Variants in CMTM7 observed in about 807,000 individuals in gnomAD.
CMTM7 encodes the protein CKLF like MARVEL transmembrane domain containing 7.
In CMTM7, 7 loss-of-function variants were observed where a neutral mutation model predicts 19.3. The ratio of observed to expected loss-of-function variants is 0.36; its 90% confidence interval spans 0.21 to 0.68. The LOEUF (loss-of-function observed/expected upper bound fraction) is 0.68. CMTM7 is among the 30% of genes least tolerant of loss of function. The probability of loss-of-function intolerance (pLI) is 0.60; values close to 1 mark genes in which losing one functional copy is unlikely to be tolerated. For missense variants in CMTM7, 193 were observed against 232.6 expected (o/e 0.83, Z 1.11); for synonymous variants, 87 against 99.3 (o/e 0.88, Z 0.74).
In CMTM7 at chr3:32,397,595, G is replaced by A. The variant is rs939227028; in HGVS notation, c.159+5530G>A. On this transcript the variant is annotated intron_variant, in intron 1 of 4. Transcript: ENST00000334983. ...TAAAAATACAAAATATTAGCCAGGCGTGGTGGCACACGCCTGTAGTCCCAG... is the reference window on the plus strand; with the variant it reads ...TAAAAATACAAAATATTAGCCAGGCATGGTGGCACACGCCTGTAGTCCCAG... Among the ~76,000 whole-genome samples, 22 of 152,118 alleles carry A rather than the reference G, an allele frequency of 1.4e-4. No individual in the cohort carries two copies. In the East Asian group the frequency reaches 2.3e-3, roughly 16 times the overall value.
chr3:32,443,586 G>A (rs1232254202), intron 2 of CMTM7, among the ~76,000 whole-genome samples: 2 of 152,156 alleles, frequency 1.3e-5, no homozygotes, highest in Non-Finnish European at 2.9e-5. Flanking sequence ...ATGTATCTAG[G>A]AGGGGAATTA....
chr3:32,447,156 A>T (rs1210717753), intron 2 of CMTM7, among the ~76,000 whole-genome samples: 2 of 151,730 alleles, frequency 1.3e-5, no homozygotes, highest in African/African-American at 4.9e-5. Context: ...GATTTCTCTT[A>T]TGATTTTTTT....
At chr3:32,428,548 G>C (rs1471233406) in intron 1 of CMTM7, among the ~76,000 whole-genome samples, 2 of 152,226 alleles carry the variant, frequency 1.3e-5, no homozygotes, top group East Asian at 3.8e-4. Flanking sequence ...CTGAGGTGTT[G>C]TGGGGCGGCT....
intron 1 of CMTM7, among the ~76,000 whole-genome samples, chr3:32,411,135 C>G (rs75165233): frequency 0.039 from 6,004 of 152,208 alleles, 216 homozygotes; most frequent in African/African-American, 0.093. Context: ...GAGGCAGAGC[C>G]GGCTTCCCTG....
chr3:32,425,720 A>T (rs1310998213), intron 1 of CMTM7, among the ~76,000 whole-genome samples: 1 of 152,220 alleles, frequency 6.6e-6, no homozygotes, highest in African/African-American at 2.4e-5. Flanking sequence ...TTAAGGAAAC[A>T]CATTGAGTTC....
At chr3:32,415,508 G>A (rs1696247341) in intron 1 of CMTM7, among the ~76,000 whole-genome samples, 1 of 152,206 alleles carries the variant, frequency 6.6e-6, no homozygotes, top group Non-Finnish European at 1.5e-5. Flanking sequence ...ATAAGGGAGG[G>A]AAACTGAGGC....
At chr3:32,450,927 G>A (rs1321720135) in intron 3 of CMTM7, 2 of 152,340 alleles carry the variant, frequency 1.3e-5, no homozygotes, top group Non-Finnish European at 2.9e-5. Context: ...TATGGTCCCT[G>A]CTTATAAGAA....
intron 1 of CMTM7, among the ~76,000 whole-genome samples, chr3:32,411,428 C>A (rs1278559287): frequency 6.6e-6 from 1 of 152,178 alleles, no homozygotes; most frequent in African/African-American, 2.4e-5. Flanking sequence ...GAGCCTTCCT[C>A]TTCTAAATCT....
intron 1 of CMTM7, among the ~76,000 whole-genome samples, chr3:32,402,853 A>G (rs539532456): frequency 2.6e-5 from 4 of 152,278 alleles, no homozygotes; most frequent in East Asian, 1.9e-4. Context: ...GTGAGCCACT[A>G]TGGCCGGCCA....
In CMTM7 at chr3:32,427,443, A is replaced by T. The variant is rs1696449979; in HGVS notation, c.160-14397A>T. On this transcript the variant is annotated intron_variant, in intron 1 of 4. Coordinates refer to ENST00000334983, the MANE Select transcript of CMTM7 (RefSeq NM_138410.4). ...ATGCTAGAGAAAGGGTGGGCGGGAG[A>T]GGTGCCCTCGGTATGGGGACCAGGA... Among the ~76,000 whole-genome samples the T allele has an allele frequency of 5.3e-5, 8 of 150,948 alleles. No individual in the cohort carries two copies. The South Asian group carries it at 1.7e-3, about 32-fold the overall frequency.
At chr3:32,447,304 G>A (rs1199774492) in intron 2 of CMTM7, among the ~76,000 whole-genome samples, 1 of 152,106 alleles carries the variant, frequency 6.6e-6, no homozygotes, top group African/African-American at 2.4e-5. Flanking sequence ...CTTTATTGAA[G>A]TTTGTTTTAT....
In CMTM7 at chr3:32,454,277, C is replaced by T; in HGVS notation, c.*23C>T. The stretch of plus-strand genomic sequence containing the variant: ...TGATGAGGCCACAACCCCTAGGCCC[C>T]TCAGGAGCTTTGCAGAGAGGAGGAC... On this transcript the variant is annotated 3_prime_UTR_variant, in exon 5 of 5. Transcript: ENST00000334983. The T allele has an allele frequency of 6.2e-7, 1 of 1,613,746 alleles. No individual in the cohort carries two copies. Among genetic ancestry groups the T allele is most frequent in the East Asian group, 2.2e-5 (1 of 44,892 alleles).
At chr3:32,420,042 A>G (rs972027271) in intron 1 of CMTM7, among the ~76,000 whole-genome samples, 3 of 152,248 alleles carry the variant, frequency 2.0e-5, no homozygotes, top group Admixed American at 2.0e-4. Flanking sequence ...ATTTGAGTCC[A>G]GTAGCTAGAT....
At chr3:32,444,334 G>A (rs766495399) in intron 2 of CMTM7, among the ~76,000 whole-genome samples, 1 of 152,140 alleles carries the variant, frequency 6.6e-6, no homozygotes, top group African/African-American at 2.4e-5. Context: ...CCATTGAATG[G>A]CATTGGCACC....
At chr3:32,398,121 A>C (rs1695945417) in intron 1 of CMTM7, among the ~76,000 whole-genome samples, 1 of 152,224 alleles carries the variant, frequency 6.6e-6, no homozygotes, top group African/African-American at 2.4e-5. Context: ...AAGATGTAGC[A>C]AGAAATGAGC....
At chr3:32,418,290 C>T (rs676169) in intron 1 of CMTM7, among the ~76,000 whole-genome samples, 63,828 of 151,920 alleles carry the variant, frequency 0.42, 13,678 homozygotes, top group South Asian at 0.47. Flanking sequence ...GAGTATTGTT[C>T]GTATATTCTG....
intron 1 of CMTM7, among the ~76,000 whole-genome samples, chr3:32,395,770 C>T (rs780337130): frequency 6.6e-6 from 1 of 152,138 alleles, no homozygotes; most frequent in Non-Finnish European, 1.5e-5. Flanking sequence ...AATTCTACTC[C>T]CAGCTCTACC....
intron 1 of CMTM7, among the ~76,000 whole-genome samples, chr3:32,440,843 C>T (rs1205476659): frequency 1.3e-5 from 2 of 152,288 alleles, no homozygotes; most frequent in Non-Finnish European, 2.9e-5. Context: ...CATTGAATCC[C>T]GTGTGTTACT....
chr3:32,425,112 G>A (rs1371675792), intron 1 of CMTM7, among the ~76,000 whole-genome samples: 1 of 152,188 alleles, frequency 6.6e-6, no homozygotes, highest in African/African-American at 2.4e-5. Context: ...TCTAGAGCAG[G>A]TGCCTCTCTG....
Sources: gnomAD v4.1 joint callset for allele counts (sites outside exome capture counted in the v4.1 genomes callset) on GRCh38, gnomAD v4.1.1 for gene constraint, MANE v1.5 for transcripts, NCBI Gene and HGNC (gene_info 2026-07-23, HGNC 2026-07-21) for gene names.